ASPRV1: variants seen among roughly 807,000 people sequenced by gnomAD.
ASPRV1 encodes retroviral-like aspartic protease 1.
ASPRV1 carries 7 observed loss-of-function variants against 11.0 expected under a neutral mutation model. The observed-to-expected ratio is 0.64, with a 90% confidence interval of 0.36 to 1.20. The LOEUF is 1.20. Ranked by LOEUF, ASPRV1 falls within the 50% of genes most tolerant of loss-of-function variation. ASPRV1 has a pLI of 0.02. For synonymous variants in ASPRV1, 136 were observed against 138.4 expected (o/e 0.98, Z 0.12); for missense variants, 299 against 320.0 (o/e 0.93, Z 0.50).
chr2:69,981,495 C>T, the ASPRV1 span, among the ~76,000 whole-genome samples: 2 of 152,142 alleles, frequency 1.3e-5, no homozygotes, highest in Non-Finnish European at 2.9e-5. Flanking sequence ...CTTCTAAATG[C>T]ATTTATAAAT....
chr2:69,982,043 CCAT>C, the ASPRV1 span, among the ~76,000 whole-genome samples: 1 of 43,628 alleles, frequency 2.3e-5, no homozygotes, highest in Non-Finnish European at 3.7e-5. Flanking sequence ...ATCTATCCAT[CCAT>C]CCATCCATCC....
At chr2:70,056,515 G>A in the ASPRV1 span, 3 of 140,020 alleles carry the variant, frequency 2.1e-5, no homozygotes, top group Non-Finnish European at 4.5e-5. Context: ...TGAGGCAGGA[G>A]AATGGTGTGA....
chr2:69,946,105 G>T, the ASPRV1 span, among the ~76,000 whole-genome samples: 1 of 152,142 alleles, frequency 6.6e-6, no homozygotes, highest in East Asian at 1.9e-4. Flanking sequence ...CAGTGGGCGT[G>T]GGAGAACCAG....
At chr2:70,076,991 G>A in the ASPRV1 span, among the ~76,000 whole-genome samples, 3 of 152,136 alleles carry the variant, frequency 2.0e-5, no homozygotes, top group African/African-American at 7.2e-5. Flanking sequence ...GTACAAATGA[G>A]GCACAGTTTT....
At chr2:70,017,471 A>G in the ASPRV1 span, among the ~76,000 whole-genome samples, 1 of 151,772 alleles carries the variant, frequency 6.6e-6, no homozygotes, top group Middle Eastern at 3.4e-3. Context: ...TCGTAAGATT[A>G]GTAATAAGAC....
the ASPRV1 span, among the ~76,000 whole-genome samples, chr2:69,951,873 A>T: frequency 6.6e-6 from 1 of 152,204 alleles, no homozygotes; most frequent in East Asian, 1.9e-4. Context: ...TGATTTTTAG[A>T]ATGAATATTT....
At chr2:69,996,790 C>T in the ASPRV1 span, 212 of 454,984 alleles carry the variant, frequency 4.7e-4, no homozygotes, top group Admixed American at 7.6e-4. Flanking sequence ...GCAGGGATGT[C>T]GGACGGTCAG....
chr2:70,048,243 A>G, the ASPRV1 span, among the ~76,000 whole-genome samples: 1 of 146,088 alleles, frequency 6.8e-6, no homozygotes, highest in African/African-American at 2.5e-5. Context: ...GTGAAACCCC[A>G]TCTCTACTAA....
the ASPRV1 span, among the ~76,000 whole-genome samples, chr2:70,082,290 CA>C: frequency 6.6e-6 from 1 of 152,030 alleles, no homozygotes; most frequent in African/African-American, 2.4e-5. Flanking sequence ...AGCTATAGGC[CA>C]GGCATGGTGA....
chr2:70,040,186 G>A, the ASPRV1 span, among the ~76,000 whole-genome samples: 1 of 152,032 alleles, frequency 6.6e-6, no homozygotes, highest in African/African-American at 2.4e-5. Flanking sequence ...AAATATAGAT[G>A]GCATCATCTA....
the ASPRV1 span, among the ~76,000 whole-genome samples, chr2:70,008,474 A>ATGCCTCTT: frequency 2.6e-5 from 4 of 152,034 alleles, no homozygotes; most frequent in Admixed American, 2.6e-4. Context: ...GTCTGGCAGC[A>ATGCCTCTT]GAGGCAGCCA....
the ASPRV1 span, among the ~76,000 whole-genome samples, chr2:70,076,532 T>G: frequency 6.6e-6 from 1 of 152,236 alleles, no homozygotes; most frequent in Non-Finnish European, 1.5e-5. Flanking sequence ...GCAGGTATTA[T>G]CATTATCCTC....
chr2:70,074,042 G>C, the ASPRV1 span, among the ~76,000 whole-genome samples: 1 of 141,812 alleles, frequency 7.1e-6, no homozygotes, highest in Non-Finnish European at 1.5e-5. Flanking sequence ...GGTGAGGCAG[G>C]AGAATGGCGT....
At chr2:69,976,017 C>G in the ASPRV1 span, 1 of 152,776 alleles carries the variant, frequency 6.5e-6, no homozygotes, top group Non-Finnish European at 1.5e-5. Context: ...CCCTTCCCCA[C>G]CCCACCCCCA....
At chr2:70,086,546 G>A in the ASPRV1 span, 1 of 152,182 alleles carries the variant, frequency 6.6e-6, no homozygotes, top group Non-Finnish European at 1.5e-5. Flanking sequence ...CAGTGGCTGC[G>A]CCCATGGGCC....
chr2:69,988,107 T>C, the ASPRV1 span, among the ~76,000 whole-genome samples: 1 of 152,172 alleles, frequency 6.6e-6, no homozygotes, highest in Non-Finnish European at 1.5e-5. Context: ...ATATGGTGGT[T>C]CCCCAAGAAG....
At chr2:70,007,656 A>T in the ASPRV1 span, among the ~76,000 whole-genome samples, 3 of 152,218 alleles carry the variant, frequency 2.0e-5, no homozygotes, top group South Asian at 6.2e-4. Flanking sequence ...AGTATATATC[A>T]TTTGAGCTTA....
At chr2:69,949,552 T>C in the ASPRV1 span, among the ~76,000 whole-genome samples, 1 of 152,136 alleles carries the variant, frequency 6.6e-6, no homozygotes, top group Non-Finnish European at 1.5e-5. Context: ...AACAATTTGG[T>C]TGAGAACAAG....
the ASPRV1 span, among the ~76,000 whole-genome samples, chr2:70,052,236 C>T: frequency 6.6e-6 from 1 of 151,914 alleles, no homozygotes; most frequent in Non-Finnish European, 1.5e-5. Flanking sequence ...AAGAAGACCC[C>T]ACTGATAACA....
Sources: allele counts gnomAD v4.1 joint callset (sites outside exome capture counted in the v4.1 genomes callset), GRCh38; gene constraint gnomAD v4.1.1; transcripts MANE v1.5; gene names NCBI Gene and HGNC (gene_info 2026-07-23, HGNC 2026-07-21).